TMTC1: variants seen among roughly 807,000 people sequenced by gnomAD.
The protein encoded by TMTC1 is protein O-mannosyl-transferase TMTC1.
In TMTC1, 73 loss-of-function variants were observed where a neutral mutation model predicts 104.8. That is an observed-to-expected ratio of 0.70 (90% CI 0.58 to 0.85). TMTC1 has a LOEUF of 0.85. TMTC1 is among the 40% of genes least tolerant of loss of function. TMTC1 has a pLI of 0.00. For missense variants in TMTC1, 1,035 were observed against 1,096.1 expected, an observed-to-expected ratio of 0.94 and a Z score of 0.79; for synonymous variants, 434 against 428.7, an observed-to-expected ratio of 1.01 and a Z score of -0.15.
chr12:29,763,409 C>G (rs1943396211), intron 2 of TMTC1, among the ~76,000 whole-genome samples: 1 of 152,194 alleles, frequency 6.6e-6, no homozygotes, highest in African/African-American at 2.4e-5. Context: ...TACTGTATGT[C>G]TAGACCAGCC....
At position 29,503,163 on chromosome 12, in the gene TMTC1, C is replaced by A. The variant is rs1943631107; in HGVS notation, c.*3683G>T. ...TACCACCTATTACAAATTTCAGAAT[C>A]TTATGCTAAGGGTTGTGAAGTACTG... On this transcript the variant is annotated 3_prime_UTR_variant, in exon 18 of 18. Coordinates refer to ENST00000539277, the MANE Select transcript of TMTC1 (RefSeq NM_001193451.2). The A allele has an allele frequency of 1.3e-5, 2 of 152,178 alleles. No individual in the cohort carries two copies. 9.4% of individuals were successfully genotyped at this position (152,178 alleles called of 1,614,324 possible).
At chr12:29,749,078 G>GTATT (rs2136964546) in intron 5 of TMTC1, among the ~76,000 whole-genome samples, 1 of 152,300 alleles carries the variant, frequency 6.6e-6, no homozygotes, top group African/African-American at 2.4e-5. Flanking sequence ...CACAGTGGGA[G>GTATT]TATTTACATT....
chr12:29,585,202 A>AT (rs1946097427), intron 7 of TMTC1, among the ~76,000 whole-genome samples: 1 of 151,894 alleles, frequency 6.6e-6, no homozygotes, highest in Non-Finnish European at 1.5e-5. Flanking sequence ...GATGATGAGC[A>AT]TTTTTTCATG....
chr12:29,512,172 G>A, intron 16 of TMTC1, 52 bp from the exon 17 acceptor site: 1 of 1,465,706 alleles, frequency 6.8e-7, no homozygotes, highest in Non-Finnish European at 9.3e-7. Context: ...CCAAACTCCA[G>A]GATTGCAGAA....
At chr12:29,578,630 C>A (rs958350812) in intron 8 of TMTC1, among the ~76,000 whole-genome samples, 2 of 152,184 alleles carry the variant, frequency 1.3e-5, no homozygotes, top group African/African-American at 2.4e-5. Flanking sequence ...GTATCTCCCT[C>A]ACACCTTTTA....
chr12:29,701,098 G>T (rs528569913), intron 5 of TMTC1, among the ~76,000 whole-genome samples: 3 of 145,646 alleles, frequency 2.1e-5, no homozygotes, highest in African/African-American at 7.8e-5. Context: ...TCTTGCTTTT[G>T]CCAGCTGTAT....
At chr12:29,668,565 A>T (rs993270927) in intron 5 of TMTC1, among the ~76,000 whole-genome samples, 7 of 145,594 alleles carry the variant, frequency 4.8e-5, no homozygotes, top group Non-Finnish European at 8.9e-5. Context: ...GGTTCAAGTG[A>T]TCCTCCTGCC....
intron 5 of TMTC1, among the ~76,000 whole-genome samples, chr12:29,675,225 C>G (rs1018768277): frequency 6.6e-6 from 1 of 152,170 alleles, no homozygotes; most frequent in African/African-American, 2.4e-5. Flanking sequence ...CCACAAACAT[C>G]AGGGCCCAAT....
chr12:29,706,711 C>A (rs1430288811), intron 5 of TMTC1, among the ~76,000 whole-genome samples: 3 of 152,146 alleles, frequency 2.0e-5, no homozygotes, highest in Non-Finnish European at 2.9e-5. Context: ...TACTCTGGGG[C>A]TAGAATCAGC....
intron 5 of TMTC1, among the ~76,000 whole-genome samples, chr12:29,723,314 A>G (rs1942291092): frequency 6.6e-6 from 1 of 152,238 alleles, no homozygotes; most frequent in Non-Finnish European, 1.5e-5. Context: ...TCATAAAATA[A>G]TGAAGACAAC....
intron 6 of TMTC1, among the ~76,000 whole-genome samples, chr12:29,612,028 T>C (rs1946858349): frequency 6.6e-6 from 1 of 152,206 alleles, no homozygotes; most frequent in Non-Finnish European, 1.5e-5. Context: ...GTTGATCCAA[T>C]CAGTAAGAAG....
chr12:29,751,709 T>G lies in TMTC1; in HGVS notation c.895A>C (p.Ser299Arg), dbSNP rs147656917. 5 of 1,614,036 alleles carry G rather than the reference T, an allele frequency of 3.1e-6. No homozygotes were observed. Among genetic ancestry groups the G allele is most frequent in the Non-Finnish European group, 4.2e-6 (5 of 1,180,034 alleles). Residue 299 changes from serine to arginine, a missense_variant, in exon 5 of 18, where the codon AGT becomes CGT. Ser to Arg is a moderately radical substitution (Grantham distance 110, BLOSUM62 -1). Coordinates refer to ENST00000539277, the MANE Select transcript of TMTC1 (RefSeq NM_001193451.2). The part of the protein sequence containing the change: ...HSPLPPEPKS[S>R]GFPVSPRAVW... Reference sequence around the variant, plus strand: ...GCTCGTGGGGACACTGGGAATCCACTGCTCTTGGGTTCTGGTGGCAGTGGA... The same window carrying G: ...GCTCGTGGGGACACTGGGAATCCACGGCTCTTGGGTTCTGGTGGCAGTGGA...
chr12:29,674,576 A>G (rs549706996), intron 5 of TMTC1, among the ~76,000 whole-genome samples: 1 of 152,344 alleles, frequency 6.6e-6, no homozygotes, highest in East Asian at 1.9e-4. Context: ...TCAGCATTCA[A>G]CACTCTTCTT....
chr12:29,674,989 C>T (rs985897665), intron 5 of TMTC1, among the ~76,000 whole-genome samples: 26 of 152,210 alleles, frequency 1.7e-4, no homozygotes, highest in Admixed American at 6.5e-5. Flanking sequence ...CAGCCAATTT[C>T]ATTTTCTCAC....
intron 5 of TMTC1, among the ~76,000 whole-genome samples, chr12:29,726,108 C>A (rs1942382800): frequency 6.6e-6 from 1 of 152,194 alleles, no homozygotes; most frequent in Non-Finnish European, 1.5e-5. Flanking sequence ...TGTTCTGGTT[C>A]ATCTAGCATT....
At chr12:29,626,667 A>G (rs953661885) in intron 6 of TMTC1, among the ~76,000 whole-genome samples, 7 of 152,240 alleles carry the variant, frequency 4.6e-5, no homozygotes, top group African/African-American at 9.6e-5. Context: ...TGACCTAAAT[A>G]TAAGAGCTAA....
At chr12:29,535,288 A>C (rs1222340704) in intron 11 of TMTC1, 1 of 152,250 alleles carries the variant, frequency 6.6e-6, no homozygotes, top group Non-Finnish European at 1.5e-5. Context: ...GCATGCGTTA[A>C]AATCATCCAA....
chr12:29,692,110 C>T lies in TMTC1; in HGVS notation c.939-58774G>A, dbSNP rs1055626341. On this transcript the variant is annotated intron_variant, in intron 5 of 17. Coordinates refer to ENST00000539277, the MANE Select transcript of TMTC1 (RefSeq NM_001193451.2). ...ATGTTCAAATTATTACCAATGTTTT[C>T]AGTGTGCTTGTGTCTTTATTCCCCA... is the stretch of plus-strand genomic sequence containing the variant. Among the ~76,000 whole-genome samples, 23 of 145,464 alleles carry T rather than the reference C, an allele frequency of 1.6e-4. 2 individuals carry two copies. The highest frequency in any genetic ancestry group is 5.8e-4 in the African/African-American group (23 of 39,790).
At chr12:29,563,458 G>A (rs990012445) in intron 9 of TMTC1, among the ~76,000 whole-genome samples, 1 of 152,072 alleles carries the variant, frequency 6.6e-6, no homozygotes. Context: ...ATTAATAACT[G>A]CCAAGTAAGG....
Sources: gnomAD v4.1 joint callset for allele counts (sites outside exome capture counted in the v4.1 genomes callset) on GRCh38, gnomAD v4.1.1 for gene constraint, MANE v1.5 for transcripts, NCBI Gene and HGNC (gene_info 2026-07-23, HGNC 2026-07-21) for gene names.